ELOVL6: variants seen among roughly 807,000 people sequenced by gnomAD.
The protein encoded by ELOVL6 is very long chain fatty acid elongase 6.
ELOVL6 carries 8 observed loss-of-function variants against 31.7 expected under a neutral mutation model. That is an observed-to-expected ratio of 0.25 (90% confidence interval 0.15 to 0.45). The LOEUF is 0.45. Among genes scored for constraint, ELOVL6 ranks in the 20% least tolerant of loss-of-function variants. The probability of loss-of-function intolerance (pLI) is 1.00; values close to 1 mark genes in which losing one functional copy is unlikely to be tolerated. For synonymous variants in ELOVL6, 101 were observed against 117.7 expected (o/e 0.86, Z 0.92); for missense variants, 126 against 326.4 (o/e 0.39, Z 4.73).
intron 3 of ELOVL6, among the ~76,000 whole-genome samples, chr4:110,059,167 G>A (rs1755073911): frequency 6.6e-6 from 1 of 151,998 alleles, no homozygotes; most frequent in South Asian, 2.1e-4. Context: ...AGAACAGGAG[G>A]GTCCCCAAAT....
In ELOVL6 at chr4:110,048,609, G is replaced by A. The variant is rs893383920; in HGVS notation, c.*2729C>T. 2.2e-4 allele frequency: 33 copies of A among 152,274 alleles called. No homozygotes were observed. The highest frequency in any genetic ancestry group is 1.2e-3 in the Admixed American group (19 of 15,300). 9.4% of individuals were successfully genotyped at this position (152,274 alleles called of 1,614,324 possible). ...TAGGTTTCAGATTTGTCATGGGCCA[G>A]TGATCCAGCCTCATATCTTGATATG... On this transcript the variant is annotated 3_prime_UTR_variant, in exon 4 of 4. Transcript: ENST00000302274.
chr4:110,087,727 C>T (rs1201119576), intron 2 of ELOVL6, among the ~76,000 whole-genome samples: 4 of 150,862 alleles, frequency 2.7e-5, no homozygotes, highest in Non-Finnish European at 5.9e-5. Context: ...ATTTTTAGAT[C>T]AAGAAACATT....
At chr4:110,148,947 A>C (rs1758206256) in intron 1 of ELOVL6, among the ~76,000 whole-genome samples, 1 of 152,126 alleles carries the variant, frequency 6.6e-6, no homozygotes, top group African/African-American at 2.4e-5. Context: ...TGCAAGGTCA[A>C]TCTCCCAGGC....
chr4:110,134,025 C>T (rs1217865142), intron 1 of ELOVL6, among the ~76,000 whole-genome samples: 2 of 152,182 alleles, frequency 1.3e-5, no homozygotes, highest in Admixed American at 1.3e-4. Flanking sequence ...ACTTATAAGG[C>T]TTACCGGCAT....
At chr4:110,195,866 C>A (rs1040206443) in intron 1 of ELOVL6, among the ~76,000 whole-genome samples, 1 of 152,150 alleles carries the variant, frequency 6.6e-6, no homozygotes, top group Non-Finnish European at 1.5e-5. Context: ...TGACAAGAAC[C>A]GTAACCTGAA....
In ELOVL6 at chr4:110,169,195, G is replaced by A. The variant is rs1169508820; in HGVS notation, c.89+29052C>T. 2.0e-5 allele frequency among the ~76,000 whole-genome samples: 3 copies of A among 150,900 alleles called. No homozygotes were observed. The East Asian group carries it at 5.9e-4, about 30-fold the overall frequency. On this transcript the variant is annotated intron_variant, in intron 1 of 3. Coordinates refer to ENST00000302274, the MANE Select transcript of ELOVL6 (RefSeq NM_024090.3). The stretch of plus-strand genomic sequence containing the variant: ...CTCCCAAAGTGCTAGAATTACAGGT[G>A]TGAGCCACTGCACCCGACCCCAACA...
intron 1 of ELOVL6, among the ~76,000 whole-genome samples, chr4:110,145,989 G>GA (rs1220898286): frequency 1.3e-5 from 2 of 151,842 alleles, no homozygotes; most frequent in African/African-American, 2.4e-5. Flanking sequence ...CACAAAATTG[G>GA]AAAAAAACTA....
chr4:110,091,873 C>T (rs185281959), intron 2 of ELOVL6, among the ~76,000 whole-genome samples: 1 of 152,272 alleles, frequency 6.6e-6, no homozygotes, highest in East Asian at 1.9e-4. Context: ...AAGTATTATG[C>T]CCCGGATCAA....
At chr4:110,164,738 C>CAA (rs1287813192) in intron 1 of ELOVL6, among the ~76,000 whole-genome samples, 14 of 84,354 alleles carry the variant, frequency 1.7e-4, no homozygotes, top group Admixed American at 3.8e-4. Flanking sequence ...GACCCTGTCT[C>CAA]AAAAAAAAAA....
intron 1 of ELOVL6, among the ~76,000 whole-genome samples, chr4:110,133,715 G>A (rs919752732): frequency 3.3e-5 from 5 of 152,182 alleles, no homozygotes; most frequent in African/African-American, 1.2e-4. Flanking sequence ...CTCTCTGGGT[G>A]TCCAAAGAAG....
intron 1 of ELOVL6, among the ~76,000 whole-genome samples, chr4:110,139,351 T>A (rs2126260501): frequency 6.6e-6 from 1 of 152,328 alleles, no homozygotes; most frequent in South Asian, 2.1e-4. Context: ...ATTTTACTTT[T>A]CAGCGATAAA....
intron 1 of ELOVL6, among the ~76,000 whole-genome samples, chr4:110,170,556 T>C (rs142661504): frequency 1.4e-4 from 21 of 152,312 alleles, no homozygotes; most frequent in African/African-American, 5.1e-4. Flanking sequence ...GGACTCTCAT[T>C]CTCTAAACAA....
At chr4:110,082,546 A>G (rs1444917962) in intron 2 of ELOVL6, among the ~76,000 whole-genome samples, 1 of 152,050 alleles carries the variant, frequency 6.6e-6, no homozygotes, top group African/African-American at 2.4e-5. Flanking sequence ...TTGAACAATG[A>G]GAACACATGG....
Position 110,105,485 on chromosome 4 carries a change from A to G in ELOVL6, c.221+12T>C. On this transcript the variant is annotated intron_variant, in intron 2 of 3. Transcript: ENST00000302274. ...ATGGATACGTTTTATTAGAAAAATGAAAAAAACCTACCTGAAGACTGCAAG... is the reference window on the plus strand; with the variant it reads ...ATGGATACGTTTTATTAGAAAAATGGAAAAAACCTACCTGAAGACTGCAAG... 1 of 1,586,650 alleles carries G rather than the reference A, an allele frequency of 6.3e-7. No homozygotes were observed. The highest frequency in any genetic ancestry group is 8.5e-7 in the Non-Finnish European group (1 of 1,171,066).
chr4:110,058,436 T>G (rs1755053353), intron 3 of ELOVL6, among the ~76,000 whole-genome samples: 1 of 152,206 alleles, frequency 6.6e-6, no homozygotes, highest in South Asian at 2.1e-4. Flanking sequence ...GGGAAGACAG[T>G]AGCTCAAACC....
At chr4:110,148,505 G>C (rs1257374259) in intron 1 of ELOVL6, among the ~76,000 whole-genome samples, 1 of 149,306 alleles carries the variant, frequency 6.7e-6, no homozygotes, top group Non-Finnish European at 1.5e-5. Context: ...GGGAGGGGGG[G>C]AGGTAGGAAT....
intron 1 of ELOVL6, among the ~76,000 whole-genome samples, chr4:110,167,228 C>T (rs562702922): frequency 1.0e-3 from 154 of 152,308 alleles, no homozygotes; most frequent in African/African-American, 3.6e-3. Context: ...AACTTTATCC[C>T]ATCTTCAAAA....
chr4:110,198,015 A>T, intron 1 of ELOVL6: 1 of 604,452 alleles, frequency 1.7e-6, no homozygotes, highest in East Asian at 2.8e-5. Context: ...AATCTATATA[A>T]AAGATGCCTA....
At chr4:110,146,994 A>T (rs1476472024) in intron 1 of ELOVL6, 1 of 137,050 alleles carries the variant, frequency 7.3e-6, no homozygotes, top group Middle Eastern at 4.2e-3. Context: ...TGTCTCAAAG[A>T]AAAAAAAAAG....
Sources: gnomAD v4.1 joint callset for allele counts (sites outside exome capture counted in the v4.1 genomes callset) on GRCh38, gnomAD v4.1.1 for gene constraint, MANE v1.5 for transcripts, NCBI Gene and HGNC (gene_info 2026-07-23, HGNC 2026-07-21) for gene names.